Variants in CFAP54 observed in about 807,000 individuals in gnomAD.
The protein encoded by CFAP54 is cilia and flagella associated protein 54, also known as cilia- and flagella-associated protein 54.
A neutral mutation model predicts 370.4 loss-of-function variants in CFAP54; 290 were observed. The observed-to-expected ratio is 0.78, with a 90% CI of 0.71 to 0.86. The LOEUF is 0.86. Ranked by LOEUF, CFAP54 falls within the 40% of genes least tolerant of loss-of-function variation. CFAP54 has a pLI of 0.00. For missense variants in CFAP54, 3,399 were observed against 3,528.7 expected (o/e 0.96, Z 0.93); for synonymous variants, 1,206 against 1,236.5 (o/e 0.98, Z 0.52).
intron 4 of CFAP54, 48 bp from the exon 5 acceptor site, chr12:96,512,938 T>A: frequency 8.0e-7 from 1 of 1,255,280 alleles, no homozygotes; most frequent in Non-Finnish European, 1.1e-6. Flanking sequence ...ATATAAAATT[T>A]CTATCATTTG....
intron 26 of CFAP54, among the ~76,000 whole-genome samples, chr12:96,606,593 A>T (rs77264052): frequency 0.088 from 13,448 of 152,272 alleles, 782 homozygotes; most frequent in Middle Eastern, 0.14. Flanking sequence ...GAGATGAGGA[A>T]TTCTGAATAG....
intron 45 of CFAP54, among the ~76,000 whole-genome samples, chr12:96,695,991 A>G (rs955686873): frequency 5.3e-5 from 8 of 152,218 alleles, no homozygotes; most frequent in Non-Finnish European, 8.8e-5. Context: ...AATGAGTGTG[A>G]TGAACACTCT....
chr12:96,840,781 G>A (rs1565999235), intron 66 of CFAP54, among the ~76,000 whole-genome samples: 2 of 152,020 alleles, frequency 1.3e-5, no homozygotes, highest in South Asian at 4.1e-4. Context: ...TATTCTTATA[G>A]TCTTTTGAAG....
At chr12:96,525,224 C>T (rs1331458389) in intron 8 of CFAP54, among the ~76,000 whole-genome samples, 3 of 151,300 alleles carry the variant, frequency 2.0e-5, no homozygotes, top group Non-Finnish European at 4.4e-5. Context: ...TTTCTTTGAG[C>T]CAACTTTTCT....
At position 96,855,045 on chromosome 12, in the gene CFAP54, A is replaced by G. The variant is rs1226932048; in HGVS notation, c.9172-5774A>G. ...TACAATCATGGCAGAAGGGGCAGCAAACATGTCCTTCTTCACATGGGGGCA... is the reference window on the plus strand; with the variant it reads ...TACAATCATGGCAGAAGGGGCAGCAGACATGTCCTTCTTCACATGGGGGCA... On this transcript the variant is annotated intron_variant, in intron 66 of 67. Transcript: ENST00000524981. Among the ~76,000 whole-genome samples, 4 of 152,310 alleles carry G rather than the reference A, an allele frequency of 2.6e-5. No homozygotes were observed. The East Asian group carries it at 7.7e-4, about 29-fold the overall frequency.
chr12:96,647,840 T>C, intron 33 of CFAP54, 35 bp from the exon 34 acceptor site: 2 of 1,465,842 alleles, frequency 1.4e-6, no homozygotes, highest in Non-Finnish European at 1.8e-6. Flanking sequence ...ATTTTGCTTA[T>C]ATTGTTTTTT....
chr12:96,816,736 C>G (rs1958977925), intron 64 of CFAP54, among the ~76,000 whole-genome samples: 1 of 152,162 alleles, frequency 6.6e-6, no homozygotes, highest in Admixed American at 6.5e-5. Context: ...CACATGTATG[C>G]ACATGTGTGT....
intron 67 of CFAP54, among the ~76,000 whole-genome samples, chr12:96,861,827 G>T (rs1959886552): frequency 6.6e-6 from 1 of 152,118 alleles, no homozygotes; most frequent in African/African-American, 2.4e-5. Context: ...TGCCAAATTG[G>T]AAAAGGACCG....
intron 61 of CFAP54, 127 bp from the exon 62 acceptor site, chr12:96,786,548 C>A: frequency 1.5e-6 from 1 of 666,978 alleles, no homozygotes; most frequent in South Asian, 2.1e-5. Context: ...AACAGAGGGA[C>A]GTCATTGGCA....
chr12:96,534,699 C>T (rs1247674006), intron 11 of CFAP54, among the ~76,000 whole-genome samples: 1 of 152,024 alleles, frequency 6.6e-6, no homozygotes, highest in African/African-American at 2.4e-5. Flanking sequence ...GAAAACCTGC[C>T]GTGTCTGCTT....
chr12:96,567,526 G>A (rs149943879), intron 19 of CFAP54, among the ~76,000 whole-genome samples: 3 of 152,238 alleles, frequency 2.0e-5, no homozygotes, highest in East Asian at 1.9e-4. Flanking sequence ...GGAAGACTTC[G>A]GGGTTGTGTT....
At chr12:96,833,294 C>T (rs543112398) in intron 66 of CFAP54, among the ~76,000 whole-genome samples, 17 of 152,234 alleles carry the variant, frequency 1.1e-4, no homozygotes, top group African/African-American at 2.6e-4. Flanking sequence ...CTTGTTCTCA[C>T]GGTGACTGAC....
chr12:96,577,271 A>G (rs1955988082), intron 20 of CFAP54, among the ~76,000 whole-genome samples: 1 of 152,102 alleles, frequency 6.6e-6, no homozygotes, highest in Non-Finnish European at 1.5e-5. Flanking sequence ...CATATTATAA[A>G]CCATACATCT....
At chr12:96,583,098 G>T (rs1345650696) in intron 22 of CFAP54, among the ~76,000 whole-genome samples, 1 of 152,002 alleles carries the variant, frequency 6.6e-6, no homozygotes, top group Admixed American at 6.6e-5. Context: ...ACTTTAGGTT[G>T]TACTTTTTAC....
chr12:96,492,131 C>G (rs144467480), intron 1 of CFAP54, among the ~76,000 whole-genome samples: 2 of 152,258 alleles, frequency 1.3e-5, no homozygotes, highest in African/African-American at 2.4e-5. Flanking sequence ...CGTTCCAGTC[C>G]AAACCACCAC....
intron 20 of CFAP54, among the ~76,000 whole-genome samples, chr12:96,578,578 T>C (rs1053888715): frequency 6.6e-6 from 1 of 152,214 alleles, no homozygotes; most frequent in African/African-American, 2.4e-5. Flanking sequence ...TCATAATTCT[T>C]GGAAATAGGA....
At chr12:96,648,746 G>A (rs1056449763) in intron 34 of CFAP54, among the ~76,000 whole-genome samples, 1 of 151,748 alleles carries the variant, frequency 6.6e-6, no homozygotes, top group Non-Finnish European at 1.5e-5. Context: ...GTGCCACCGC[G>A]CCTGGCTAAT....
chr12:96,489,996 C>G (rs1474917395), intron 1 of CFAP54, 70 bp downstream of exon 1: 7 of 1,374,166 alleles, frequency 5.1e-6, no homozygotes, highest in Non-Finnish European at 6.8e-6. Flanking sequence ...CTGGAGGATG[C>G]AGGTGGTGGC....
chr12:96,644,831 TG>T (rs770774197), intron 33 of CFAP54, among the ~76,000 whole-genome samples: 1 of 152,086 alleles, frequency 6.6e-6, no homozygotes, highest in African/African-American at 2.4e-5. Flanking sequence ...CCTTGACACG[TG>T]GGGATTATTA....
Sources: allele counts gnomAD v4.1 joint callset (sites outside exome capture counted in the v4.1 genomes callset), GRCh38; gene constraint gnomAD v4.1.1; transcripts MANE v1.5; gene names NCBI Gene and HGNC (gene_info 2026-07-23, HGNC 2026-07-21).